COMMD1: variants seen among roughly 807,000 people sequenced by gnomAD.
The protein encoded by COMMD1 is COMM domain-containing protein 1.
Under a neutral mutation model 17.2 loss-of-function variants are expected in COMMD1, and 10 were observed. The observed-to-expected ratio is 0.58, with a 90% CI of 0.36 to 0.99. The LOEUF (loss-of-function observed/expected upper bound fraction) is 0.99. COMMD1 is among the 50% of genes least tolerant of loss of function. COMMD1 has a pLI of 0.01. For synonymous variants in COMMD1, 97 were observed against 91.6 expected, an observed-to-expected ratio of 1.06 and a Z score of -0.34; for missense variants, 270 against 231.8, an observed-to-expected ratio of 1.17 and a Z score of -1.07.
At chr2:62,099,934 A>C (rs1335437386) in intron 2 of COMMD1, among the ~76,000 whole-genome samples, 5 of 152,098 alleles carry the variant, frequency 3.3e-5, no homozygotes, top group African/African-American at 1.2e-4. Context: ...AAAGCTGAGG[A>C]ACTCACTCTC....
chr2:61,913,181 A>G (rs897848207), intron 1 of COMMD1, among the ~76,000 whole-genome samples: 4 of 152,052 alleles, frequency 2.6e-5, no homozygotes, highest in Admixed American at 6.6e-5. Context: ...ACCCTGGCCA[A>G]CATAATAAAA....
At chr2:61,890,809 A>G (rs1291218106) in intron 1 of COMMD1, among the ~76,000 whole-genome samples, 2 of 138,704 alleles carry the variant, frequency 1.4e-5, no homozygotes, top group African/African-American at 2.7e-5. Context: ...CCTGGGTGAT[A>G]GAGCAAGACT....
chr2:62,011,135 A>G (rs1336228745), intron 2 of COMMD1, among the ~76,000 whole-genome samples: 1 of 150,976 alleles, frequency 6.6e-6, no homozygotes, highest in African/African-American at 2.4e-5. Context: ...TGTTTTTTTT[A>G]ATCACCTTCT....
chr2:61,937,991 G>A (rs1402714159), intron 1 of COMMD1, among the ~76,000 whole-genome samples: 2 of 152,156 alleles, frequency 1.3e-5, no homozygotes, highest in Non-Finnish European at 2.9e-5. Context: ...GAGGGAGGAT[G>A]CCTGTATAGT....
At chr2:62,098,127 T>C (rs1191057601) in intron 2 of COMMD1, among the ~76,000 whole-genome samples, 1 of 151,772 alleles carries the variant, frequency 6.6e-6, no homozygotes, top group East Asian at 1.9e-4. Context: ...AGTTGTAAAC[T>C]CATAATTTTA....
At chr2:61,949,808 A>G (rs1019165633) in intron 1 of COMMD1, among the ~76,000 whole-genome samples, 1 of 152,148 alleles carries the variant, frequency 6.6e-6, no homozygotes, top group Non-Finnish European at 1.5e-5. Flanking sequence ...GCCCTTATGG[A>G]CTGAGATCTT....
At chr2:62,122,489 C>A (rs1417986427) in intron 2 of COMMD1, among the ~76,000 whole-genome samples, 1 of 146,762 alleles carries the variant, frequency 6.8e-6, no homozygotes, top group Non-Finnish European at 1.5e-5. Flanking sequence ...ATTGGTGGTA[C>A]CTCTACCTTT....
chr2:61,956,204 C>T (rs955879234), intron 1 of COMMD1, among the ~76,000 whole-genome samples: 30 of 152,186 alleles, frequency 2.0e-4, no homozygotes, highest in African/African-American at 7.0e-4. Flanking sequence ...CACAATTGTC[C>T]CAGTCCCATT....
At chr2:61,928,128 T>A (rs1356501242) in intron 1 of COMMD1, among the ~76,000 whole-genome samples, 3 of 152,078 alleles carry the variant, frequency 2.0e-5, no homozygotes, top group Non-Finnish European at 4.4e-5. Context: ...TAACAAATTA[T>A]ATAAAAAGTA....
At chr2:61,939,758 C>T (rs887333501) in intron 1 of COMMD1, among the ~76,000 whole-genome samples, 2 of 152,108 alleles carry the variant, frequency 1.3e-5, no homozygotes, top group East Asian at 3.9e-4. Flanking sequence ...TTTTTTGGAC[C>T]GTTCTTTAAC....
At chr2:62,083,567 G>A (rs1671584188) in intron 2 of COMMD1, among the ~76,000 whole-genome samples, 1 of 152,174 alleles carries the variant, frequency 6.6e-6, no homozygotes, top group South Asian at 2.1e-4. Flanking sequence ...AAGTGTCTAA[G>A]TCAGTGTTCT....
chr2:61,935,100 G>T (rs957480550), intron 1 of COMMD1, among the ~76,000 whole-genome samples: 1 of 152,204 alleles, frequency 6.6e-6, no homozygotes, highest in East Asian at 1.9e-4. Context: ...GCTTCAGCTT[G>T]TAGGGCTTTG....
At chr2:62,014,549 T>TAG (rs1193599067) in intron 2 of COMMD1, among the ~76,000 whole-genome samples, 3 of 5,500 alleles carry the variant, frequency 5.5e-4, no homozygotes, top group Admixed American at 2.0e-3. Context: ...AACCTTTTTT[T>TAG]TTTTTTTTTT....
chr2:61,986,923 G>A, intron 1 of COMMD1, among the ~76,000 whole-genome samples: 1 of 151,976 alleles, frequency 6.6e-6, no homozygotes, highest in Non-Finnish European at 1.5e-5. Flanking sequence ...CTGTCTTCAA[G>A]CTCACTAATT....
At position 62,113,084 on chromosome 2, in the gene COMMD1, G is replaced by A. The variant is rs190034638; in HGVS notation, c.463-22747G>A. Among the ~76,000 whole-genome samples, 549 of 152,224 alleles carry A rather than the reference G, an allele frequency of 3.6e-3. 6 individuals are homozygous for A. The highest frequency in any genetic ancestry group is 0.012 in the African/African-American group (508 of 41,536). ...AGCATATATGGACTGGGTGGCCCAT[G>A]CCTGTAGTCCCCCTACTTTGGGAGG... On this transcript the variant is annotated intron_variant, in intron 2 of 2. Coordinates refer to ENST00000311832, the MANE Select transcript of COMMD1 (RefSeq NM_152516.4).
chr2:61,947,667 A>T (rs1670943372), intron 1 of COMMD1, among the ~76,000 whole-genome samples: 1 of 151,808 alleles, frequency 6.6e-6, no homozygotes, highest in Non-Finnish European at 1.5e-5. Flanking sequence ...TGGGCGACAG[A>T]GCGAGATTTG....
At chr2:62,015,842 G>GT (rs1019977547) in intron 2 of COMMD1, among the ~76,000 whole-genome samples, 19 of 151,236 alleles carry the variant, frequency 1.3e-4, no homozygotes, top group African/African-American at 3.9e-4. Context: ...CTTTTTGTTT[G>GT]TTTTTTTGAG....
intron 2 of COMMD1, chr2:62,055,548 C>A: frequency 2.3e-6 from 1 of 434,730 alleles, no homozygotes; most frequent in Non-Finnish European, 4.6e-6. Flanking sequence ...ACATGGAGAC[C>A]AAGCACCCTG....
At chr2:62,040,889 T>G (rs749455060) in intron 2 of COMMD1, among the ~76,000 whole-genome samples, 1 of 152,180 alleles carries the variant, frequency 6.6e-6, no homozygotes, top group Non-Finnish European at 1.5e-5. Context: ...TTTTGTACTT[T>G]TAGTAGAGAT....
Sources: gnomAD v4.1 joint callset for allele counts (sites outside exome capture counted in the v4.1 genomes callset) on GRCh38, gnomAD v4.1.1 for gene constraint, MANE v1.5 for transcripts, NCBI Gene and HGNC (gene_info 2026-07-23, HGNC 2026-07-21) for gene names.